The following KAZN variants were observed in gnomAD, a reference collection of about 807,000 sequenced individuals.
The protein encoded by KAZN is kazrin, periplakin interacting protein.
Under a neutral mutation model 87.4 loss-of-function variants are expected in KAZN, and 40 were observed. The observed-to-expected ratio is 0.46, with a 90% CI of 0.36 to 0.60. The LOEUF is 0.60. KAZN is among the 20% of genes least tolerant of loss of function. The pLI, the probability that KAZN is intolerant of heterozygous loss-of-function variation, is 0.00. For synonymous variants in KAZN, 466 were observed against 458.3 expected, an observed-to-expected ratio of 1.02 and a Z score of -0.22; for missense variants, 898 against 1,073.9, an observed-to-expected ratio of 0.84 and a Z score of 2.29.
intron 1 of KAZN, among the ~76,000 whole-genome samples, chr1:14,117,236 A>C (rs1023924973): frequency 1.3e-5 from 2 of 152,188 alleles, no homozygotes; most frequent in African/African-American, 4.8e-5. Context: ...GTCCCCATCC[A>C]AATCTCATCT....
At chr1:14,133,572 T>A (rs1170181594) in intron 1 of KAZN, among the ~76,000 whole-genome samples, 2 of 152,092 alleles carry the variant, frequency 1.3e-5, no homozygotes, top group African/African-American at 4.8e-5. Context: ...GGTAACAGAA[T>A]CCTGAATGAC....
At chr1:14,811,251 T>C (rs188133621) in intron 1 of KAZN, among the ~76,000 whole-genome samples, 1 of 144,826 alleles carries the variant, frequency 6.9e-6, no homozygotes, top group Non-Finnish European at 1.5e-5. Flanking sequence ...GTGGTATTTA[T>C]GTGTTTATAT....
At chr1:14,516,945 G>A (rs1051613132) in intron 2 of KAZN, among the ~76,000 whole-genome samples, 1 of 152,122 alleles carries the variant, frequency 6.6e-6, no homozygotes, top group Non-Finnish European at 1.5e-5. Context: ...TGTAGTGGTG[G>A]TTGTTTTGCC....
At chr1:14,696,818 G>A (rs1007476548) in intron 1 of KAZN, among the ~76,000 whole-genome samples, 8 of 152,290 alleles carry the variant, frequency 5.3e-5, no homozygotes, top group African/African-American at 1.9e-4. Flanking sequence ...CACTGGTTGG[G>A]CATTGATGAG....
At chr1:14,248,883 G>A (rs1056663654) in intron 2 of KAZN, among the ~76,000 whole-genome samples, 2 of 152,160 alleles carry the variant, frequency 1.3e-5, no homozygotes, top group African/African-American at 4.8e-5. Flanking sequence ...TAGAGGCCAA[G>A]CAGCCATGTT....
intron 2 of KAZN, among the ~76,000 whole-genome samples, chr1:14,533,136 A>G (rs1350945326): frequency 6.6e-6 from 1 of 152,208 alleles, no homozygotes; most frequent in African/African-American, 2.4e-5. Flanking sequence ...GTGGCCCAGC[A>G]CCTTGAGAGC....
At chr1:14,175,363 G>A (rs925059272) in intron 1 of KAZN, among the ~76,000 whole-genome samples, 5 of 152,176 alleles carry the variant, frequency 3.3e-5, no homozygotes, top group African/African-American at 7.2e-5. Flanking sequence ...TCGGCCTCCC[G>A]AAGTGCTGGG....
chr1:14,770,303 T>C (rs1329951770), intron 1 of KAZN, among the ~76,000 whole-genome samples: 1 of 152,182 alleles, frequency 6.6e-6, no homozygotes, highest in Admixed American at 6.5e-5. Context: ...GAATCTCATT[T>C]TGAAGCTAAT....
At chr1:14,598,410 G>C (rs774002525), upstream of KAZN, among the ~76,000 whole-genome samples, 132 of 152,258 alleles carry the variant, frequency 8.7e-4, no homozygotes, top group Non-Finnish European at 9.6e-4. This position sits in a 1 kb window ranked among gnomAD's most constrained non-coding sequence, Gnocchi z 4.2. Flanking sequence ...AGCACGGCTC[G>C]GGGCACCAGT....
Position 15,066,568 on chromosome 1 carries a change from AG to A in KAZN, c.1222+816del. The A allele has an allele frequency of 3.0e-6, 3 of 984,864 alleles. No homozygotes were observed. Among genetic ancestry groups the A allele is most frequent in the Non-Finnish European group, 3.6e-6 (3 of 829,370 alleles). 61.0% of individuals were successfully genotyped at this position (984,864 alleles called of 1,614,324 possible). A position where few individuals can be genotyped will look rare whatever the true frequency, so the allele number is the denominator to read the frequency against. On this transcript the variant is annotated intron_variant, in intron 8 of 14. Transcript: ENST00000376030. This position sits in a 1 kb window ranked among gnomAD's most constrained non-coding sequence, Gnocchi z 4.3. Reference sequence around the variant, plus strand: ...GCCGTTTCTTTCTTTATGAAAAAAAAGAAAAAAAGAAAATTGTTTCATTTAA... The same window carrying A: ...GCCGTTTCTTTCTTTATGAAAAAAAAAAAAAAAGAAAATTGTTTCATTTAA...
chr1:15,073,998 C>G (rs984989767), intron 8 of KAZN, among the ~76,000 whole-genome samples: 3 of 152,248 alleles, frequency 2.0e-5, no homozygotes, highest in Non-Finnish European at 4.4e-5. Context: ...GAAGCCCCAC[C>G]ACCCCCAGCC....
intron 2 of KAZN, among the ~76,000 whole-genome samples, chr1:14,273,944 T>C (rs1163041728): frequency 6.6e-6 from 1 of 152,146 alleles, no homozygotes; most frequent in Non-Finnish European, 1.5e-5. Context: ...GAAAACTCAT[T>C]CTGTAGTCAT....
chr1:14,725,212 T>A (rs1467865042), intron 1 of KAZN, among the ~76,000 whole-genome samples: 1 of 152,218 alleles, frequency 6.6e-6, no homozygotes, highest in Non-Finnish European at 1.5e-5. Context: ...TCATTTCAAA[T>A]GTTATCACCA....
At chr1:14,842,857 C>T (rs1648179689) in intron 1 of KAZN, among the ~76,000 whole-genome samples, 1 of 152,230 alleles carries the variant, frequency 6.6e-6, no homozygotes, top group African/African-American at 2.4e-5. Context: ...CCCTTCTCCT[C>T]CTTCAATTCC....
At chr1:13,958,353 G>A (rs1380943688) in intron 1 of KAZN, among the ~76,000 whole-genome samples, 5 of 152,018 alleles carry the variant, frequency 3.3e-5, no homozygotes, top group Non-Finnish European at 1.5e-5. Context: ...GGCGGATCAC[G>A]AGGTCAGAGG....
At chr1:14,929,687 A>G (rs1002137793) in intron 1 of KAZN, 27 of 826,588 alleles carry the variant, frequency 3.3e-5, no homozygotes, top group Admixed American at 6.2e-5. Flanking sequence ...GGCTGTAAAC[A>G]CTCCAGAGAG....
chr1:14,634,418 G>A (rs1679811245), intron 1 of KAZN, among the ~76,000 whole-genome samples: 1 of 152,194 alleles, frequency 6.6e-6, no homozygotes. Flanking sequence ...ACGTTAGCAG[G>A]AGGTTGTGTA....
intron 1 of KAZN, among the ~76,000 whole-genome samples, chr1:14,750,607 A>G (rs958742233): frequency 6.6e-6 from 1 of 151,966 alleles, no homozygotes; most frequent in African/African-American, 2.4e-5. Context: ...TCTAAAAAAA[A>G]AAAAAAGACC....
intron 1 of KAZN, among the ~76,000 whole-genome samples, chr1:14,875,554 G>GA (rs984937549): frequency 3.3e-5 from 5 of 151,540 alleles, no homozygotes; most frequent in Non-Finnish European, 7.4e-5. Context: ...TCCTAATAGT[G>GA]AAAATCACTG....
Sources: gnomAD v4.1 joint callset for allele counts (sites outside exome capture counted in the v4.1 genomes callset) on GRCh38, gnomAD v4.1.1 for gene constraint, Gnocchi (gnomAD v3.1) non-coding constraint, MANE v1.5 for transcripts, NCBI Gene and HGNC (gene_info 2026-07-23, HGNC 2026-07-21) for gene names.